Variants in MYT1L observed in about 807,000 individuals in gnomAD.
MYT1L encodes the protein myelin transcription factor 1 like, also known as myelin transcription factor 1-like protein.
Under a neutral mutation model 126.7 loss-of-function variants are expected in MYT1L, and 12 were observed. The observed-to-expected ratio is 0.09, with a 90% CI of 0.06 to 0.15. The LOEUF (loss-of-function observed/expected upper bound fraction) is 0.15, where lower values mean the gene tolerates loss of function less well. Ranked by LOEUF, MYT1L falls within the 10% of genes least tolerant of loss-of-function variation. MYT1L has a pLI of 1.00. For missense variants in MYT1L, 979 were observed against 1,585.2 expected, an observed-to-expected ratio of 0.62 and a Z score of 6.49; for synonymous variants, 541 against 604.2, an observed-to-expected ratio of 0.90 and a Z score of 1.53.
intron 18 of MYT1L, among the ~76,000 whole-genome samples, chr2:1,853,731 T>C (rs2043567279): frequency 6.6e-6 from 1 of 152,256 alleles, no homozygotes; most frequent in East Asian, 1.9e-4. Flanking sequence ...AGTGCATGTT[T>C]ATTTAAAATT....
At chr2:1,878,365 G>C (rs1211228938) in intron 18 of MYT1L, among the ~76,000 whole-genome samples, 1 of 152,210 alleles carries the variant, frequency 6.6e-6, no homozygotes, top group Admixed American at 6.5e-5. Context: ...CAGTGGCTTA[G>C]TAGTATAAGC....
At chr2:1,813,668 G>A (rs1390464747) in intron 21 of MYT1L, among the ~76,000 whole-genome samples, 2 of 152,202 alleles carry the variant, frequency 1.3e-5, no homozygotes, top group East Asian at 1.9e-4. Context: ...CTCCTTAGAA[G>A]TTAATCCTGG....
At chr2:1,944,950 G>A (rs1409835499) in intron 8 of MYT1L, among the ~76,000 whole-genome samples, 2 of 152,214 alleles carry the variant, frequency 1.3e-5, no homozygotes, top group African/African-American at 2.4e-5. Flanking sequence ...TCAGGAAGAG[G>A]TGAGGCTGCT....
At chr2:2,313,551 G>A (rs1206945960) in intron 1 of MYT1L, among the ~76,000 whole-genome samples, 2 of 151,860 alleles carry the variant, frequency 1.3e-5, no homozygotes, top group African/African-American at 4.8e-5. Context: ...TAAGGAGGAA[G>A]ATAGAACATT....
At chr2:1,958,624 C>A (rs1372744575) in intron 8 of MYT1L, among the ~76,000 whole-genome samples, 1 of 152,194 alleles carries the variant, frequency 6.6e-6, no homozygotes, top group Non-Finnish European at 1.5e-5. Context: ...TCCGTCAGAG[C>A]CGCTCTGTGC....
At chr2:1,839,126 G>A (rs758998097) in intron 21 of MYT1L, 23 bp downstream of exon 21, 72 of 1,585,324 alleles carry the variant, frequency 4.5e-5, no homozygotes, top group Non-Finnish European at 5.9e-5. Context: ...CCCAGCCAGG[G>A]TCCCGCAGAC....
intron 3 of MYT1L, among the ~76,000 whole-genome samples, chr2:2,073,645 C>T (rs764739975): frequency 2.0e-5 from 3 of 152,142 alleles, no homozygotes; most frequent in Admixed American, 1.3e-4. Flanking sequence ...TTCTCGCCTC[C>T]GCATCCTGCC....
In MYT1L at chr2:1,917,490, C is replaced by A. The variant is rs559148121; in HGVS notation, c.1484-151G>T. On this transcript the variant is annotated intron_variant, in intron 10 of 24. Transcript: ENST00000647738. The surrounding 1 kb of genome is among the most constrained non-coding windows in gnomAD (Gnocchi z 5.9). ...ACATCAGACTTTTGCTTAGATAGTTCTTTGGTTTTGGGTGACTTTTTTCAA... is the reference window on the plus strand; with the variant it reads ...ACATCAGACTTTTGCTTAGATAGTTATTTGGTTTTGGGTGACTTTTTTCAA... Among the ~76,000 whole-genome samples the A allele has an allele frequency of 1.2e-4, 18 of 152,212 alleles. No homozygotes were observed. Among genetic ancestry groups the A allele is most frequent in the Admixed American group, 1.1e-3 (17 of 15,292 alleles).
chr2:2,040,410 C>T (rs967124955), intron 4 of MYT1L, among the ~76,000 whole-genome samples: 2 of 152,160 alleles, frequency 1.3e-5, no homozygotes, highest in Non-Finnish European at 2.9e-5. Flanking sequence ...CTTTAAAACT[C>T]GATTCTGAGA....
intron 9 of MYT1L, among the ~76,000 whole-genome samples, chr2:1,936,431 C>T (rs1046551409): frequency 6.6e-6 from 1 of 152,170 alleles, no homozygotes; most frequent in Non-Finnish European, 1.5e-5. Context: ...AGATGCAGTG[C>T]CATGTACTTC....
intron 3 of MYT1L, among the ~76,000 whole-genome samples, chr2:2,141,149 T>G (rs1367427994): frequency 6.6e-6 from 1 of 152,184 alleles, no homozygotes; most frequent in Non-Finnish European, 1.5e-5. Context: ...TAACTACTGT[T>G]TGTTTTTATT....
chr2:2,043,231 C>CTGACCCCTG (rs1432818592), intron 4 of MYT1L, among the ~76,000 whole-genome samples: 1 of 152,178 alleles, frequency 6.6e-6, no homozygotes, highest in Non-Finnish European at 1.5e-5. Flanking sequence ...CCCTCAATCC[C>CTGACCCCTG]TGACCCCTGC....
chr2:2,094,327 T>G (rs1346903904), intron 3 of MYT1L, among the ~76,000 whole-genome samples: 1 of 152,228 alleles, frequency 6.6e-6, no homozygotes, highest in Non-Finnish European at 1.5e-5. Context: ...GGTGGGACTG[T>G]AAACTGGTTC....
intron 18 of MYT1L, among the ~76,000 whole-genome samples, chr2:1,875,219 G>A (rs1025281013): frequency 5.3e-5 from 8 of 152,072 alleles, no homozygotes; most frequent in Admixed American, 1.3e-4. Flanking sequence ...CGATCGCTGC[G>A]GGGAAAGGTC....
At chr2:2,136,650 C>T (rs1275241208) in intron 3 of MYT1L, among the ~76,000 whole-genome samples, 4 of 152,036 alleles carry the variant, frequency 2.6e-5, no homozygotes, top group Non-Finnish European at 4.4e-5. Context: ...TTAGTAAATC[C>T]ATATTATTCT....
chr2:2,033,166 G>C (rs1400313765), intron 4 of MYT1L, among the ~76,000 whole-genome samples: 1 of 142,118 alleles, frequency 7.0e-6, no homozygotes, highest in Non-Finnish European at 1.5e-5. Flanking sequence ...GCCCAGAGCA[G>C]ATTCTAGAAG....
At chr2:2,199,946 A>G (rs1158370174) in intron 2 of MYT1L, among the ~76,000 whole-genome samples, 1 of 152,190 alleles carries the variant, frequency 6.6e-6, no homozygotes, top group Non-Finnish European at 1.5e-5. Context: ...CAGGATTTGA[A>G]CACACAGCAC....
chr2:2,163,360 T>C (rs985600294), intron 3 of MYT1L, among the ~76,000 whole-genome samples: 4 of 152,186 alleles, frequency 2.6e-5, no homozygotes, highest in African/African-American at 7.2e-5. Context: ...GTTGCAAATC[T>C]GTGACAAGGC....
At chr2:1,977,125 A>T (rs974570329) in intron 8 of MYT1L, among the ~76,000 whole-genome samples, 10 of 152,232 alleles carry the variant, frequency 6.6e-5, no homozygotes, top group Admixed American at 5.9e-4. Flanking sequence ...GATGATTTTT[A>T]AAAAATTAAG....
Sources: gnomAD v4.1 joint callset for allele counts (sites outside exome capture counted in the v4.1 genomes callset) on GRCh38, gnomAD v4.1.1 for gene constraint, Gnocchi (gnomAD v3.1) non-coding constraint, MANE v1.5 for transcripts, NCBI Gene and HGNC (gene_info 2026-07-23, HGNC 2026-07-21) for gene names.